Variants in ASTN1 observed in about 807,000 individuals in gnomAD.
ASTN1 encodes the protein astrotactin-1.
A neutral mutation model predicts 140.7 loss-of-function variants in ASTN1; 41 were observed. That is an observed-to-expected ratio of 0.29 (90% CI 0.23 to 0.38). ASTN1 has a LOEUF of 0.38. ASTN1 is among the 10% of genes least tolerant of loss of function. ASTN1 has a pLI of 1.00. For synonymous variants in ASTN1, 640 were observed against 652.2 expected (o/e 0.98, Z 0.29); for missense variants, 1,479 against 1,678.8 (o/e 0.88, Z 2.08).
intron 2 of ASTN1, among the ~76,000 whole-genome samples, chr1:177,050,841 T>G (rs1677505701): frequency 6.6e-6 from 1 of 152,178 alleles, no homozygotes; most frequent in African/African-American, 2.4e-5. Context: ...GCTTCTATTC[T>G]TACATATTTA....
In ASTN1 at chr1:176,862,796, A is replaced by G. The variant is rs977336642; in HGVS notation, c.*1488T>C. ...CTTACATCAGCGCCTGGCATACAGC[A>G]AGCACTCAATAAATGTTATCTGTCA... On this transcript the variant is annotated 3_prime_UTR_variant, in exon 23 of 23. Coordinates refer to ENST00000361833, the MANE Select transcript of ASTN1 (RefSeq NM_004319.3). The G allele has an allele frequency of 3.4e-5, 33 of 983,964 alleles. No homozygotes were observed. The African/African-American group carries it at 5.2e-4, about 16-fold the overall frequency. The allele number at this position is 983,964 out of a possible 1,614,324, so 61.0% of individuals were successfully genotyped here.
intron 8 of ASTN1, among the ~76,000 whole-genome samples, chr1:176,990,551 G>A (rs1196071228): frequency 6.6e-6 from 1 of 151,996 alleles, no homozygotes; most frequent in Non-Finnish European, 1.5e-5. Context: ...GGGGGAAAAA[G>A]GAAGGAAGAG....
intron 12 of ASTN1, among the ~76,000 whole-genome samples, chr1:176,948,130 C>T (rs1672030646): frequency 6.6e-6 from 1 of 152,148 alleles, no homozygotes; most frequent in Non-Finnish European, 1.5e-5. Flanking sequence ...AACAATCCAG[C>T]CTAGTTTTAT....
intron 14 of ASTN1, among the ~76,000 whole-genome samples, chr1:176,942,818 G>GTATATATATATATA (rs1478728177): frequency 1.6e-4 from 5 of 31,954 alleles, no homozygotes; most frequent in African/African-American, 3.3e-4. Context: ...CTTTGTGTGT[G>GTATATATATATATA]TGTATATATA....
intron 16 of ASTN1, among the ~76,000 whole-genome samples, chr1:176,927,036 T>A (rs1670999612): frequency 6.6e-6 from 1 of 152,346 alleles, no homozygotes; most frequent in East Asian, 1.9e-4. Flanking sequence ...GTGGAAGACA[T>A]GACATCTTGT....
chr1:177,011,846 T>C (rs1675312023), intron 8 of ASTN1, among the ~76,000 whole-genome samples: 1 of 152,180 alleles, frequency 6.6e-6, no homozygotes. Flanking sequence ...AATCAATTTG[T>C]AACTTCTTAT....
intron 11 of ASTN1, among the ~76,000 whole-genome samples, chr1:176,955,207 G>A (rs1370302520): frequency 6.6e-6 from 1 of 152,166 alleles, no homozygotes; most frequent in Non-Finnish European, 1.5e-5. Flanking sequence ...GAGGAGGAAG[G>A]CGGGCCAATG....
intron 2 of ASTN1, among the ~76,000 whole-genome samples, chr1:177,052,138 C>G (rs568647511): frequency 1.3e-5 from 2 of 152,226 alleles, no homozygotes; most frequent in South Asian, 4.1e-4. Context: ...TGTAATGGCC[C>G]TATTCTATTG....
At chr1:176,962,619 G>T (rs1672715297) in intron 9 of ASTN1, among the ~76,000 whole-genome samples, 1 of 152,258 alleles carries the variant, frequency 6.6e-6, no homozygotes, top group South Asian at 2.1e-4. Context: ...GGCATTTGCA[G>T]GGGTAAAGTC....
chr1:176,965,670 G>C (rs891044993), intron 8 of ASTN1, among the ~76,000 whole-genome samples: 1 of 152,128 alleles, frequency 6.6e-6, no homozygotes, highest in East Asian at 1.9e-4. Flanking sequence ...ACCATGGACC[G>C]ATAATTTGCT....
rs2103026602 is a variant in ASTN1, at chr1:176,882,961, G to T, written c.3260C>A (p.Ser1087Tyr). The T allele has an allele frequency of 6.2e-7, 1 of 1,614,186 alleles. No homozygotes were observed. Among genetic ancestry groups the T allele is most frequent in the Non-Finnish European group, 8.5e-7 (1 of 1,180,024 alleles). ...CATTGCACAAGGAGACTTTGCTCCAGAGATGATGTCGTCCACAAAGCTCAG... is the reference window on the plus strand; with the variant it reads ...CATTGCACAAGGAGACTTTGCTCCATAGATGATGTCGTCCACAAAGCTCAG... Reference protein sequence around the residue: ...TVLSFVDDIISGAKSPCAMPS... With the variant: ...TVLSFVDDIIYGAKSPCAMPS... Residue 1087 changes from serine (S) to tyrosine (Y), a missense_variant, in exon 20 of 23, where the codon TCT (serine) becomes TAT (tyrosine). This residue lies in a region of ASTN1 where 746 missense variants were observed against 800.9 expected (regional missense o/e 0.93). Coordinates refer to ENST00000361833, the MANE Select transcript of ASTN1 (RefSeq NM_004319.3).
At chr1:177,002,958 A>T (rs1674806369) in intron 8 of ASTN1, among the ~76,000 whole-genome samples, 1 of 151,950 alleles carries the variant, frequency 6.6e-6, no homozygotes, top group Admixed American at 6.6e-5. Context: ...ATAAGCAGTG[A>T]GATTAATCGG....
In ASTN1 at chr1:177,156,512, A is replaced by G. The variant is rs531583029; in HGVS notation, c.283+7882T>C. On this transcript the variant is annotated intron_variant, in intron 1 of 22. Transcript: ENST00000361833. ...AAACAATTTGAGCAATAAAATCAAT[A>G]AAGTAGTACTGAATTAAAACGCAAA... Among the ~76,000 whole-genome samples the G allele has an allele frequency of 2.0e-5, 3 of 152,324 alleles. No individual in the cohort carries two copies. In the East Asian group the frequency reaches 5.8e-4, roughly 29 times the overall value.
chr1:177,150,591 A>G (rs1682987989), intron 1 of ASTN1, among the ~76,000 whole-genome samples: 2 of 152,162 alleles, frequency 1.3e-5, no homozygotes, highest in South Asian at 4.1e-4. Context: ...AGGCAGAGTG[A>G]AAGAGTATGA....
chr1:176,875,419 G>T (rs954734262), intron 21 of ASTN1, among the ~76,000 whole-genome samples: 1 of 152,262 alleles, frequency 6.6e-6, no homozygotes, highest in East Asian at 1.9e-4. Flanking sequence ...TTTAAGAAGG[G>T]CCCTTGATAT....
intron 16 of ASTN1, among the ~76,000 whole-genome samples, chr1:176,911,884 CAGT>C (rs1381161567): frequency 3.3e-5 from 5 of 152,192 alleles, no homozygotes; most frequent in African/African-American, 4.8e-5. Context: ...ACTGGCAGCG[CAGT>C]AGTTTTGTTT....
At chr1:176,952,064 C>T (rs1446688250) in intron 11 of ASTN1, among the ~76,000 whole-genome samples, 2 of 152,242 alleles carry the variant, frequency 1.3e-5, no homozygotes, top group Admixed American at 6.5e-5. Flanking sequence ...TCTACTCCGC[C>T]ATGCTGCTTC....
Position 177,017,515 on chromosome 1 carries a change from T to C in ASTN1, c.1439-2640A>G, listed in dbSNP as rs187645649. ...GTTTCGTGAAAGCACAGGCTCCGACTGTTAGCTGTGAATTTTAAAGACCCC... is the reference window on the plus strand; with the variant it reads ...GTTTCGTGAAAGCACAGGCTCCGACCGTTAGCTGTGAATTTTAAAGACCCC... On this transcript the variant is annotated intron_variant, in intron 7 of 22. Transcript: ENST00000361833. 2.0e-3 allele frequency among the ~76,000 whole-genome samples: 310 copies of C among 152,356 alleles called. 3 individuals carry two copies. Among genetic ancestry groups the C allele is most frequent in the African/African-American group, 6.9e-3 (286 of 41,586 alleles).
At chr1:176,927,711 T>C (rs555400055) in intron 16 of ASTN1, among the ~76,000 whole-genome samples, 2 of 152,340 alleles carry the variant, frequency 1.3e-5, no homozygotes, top group Admixed American at 6.5e-5. Context: ...GACGTGGTCA[T>C]ATCACTTTGT....
Sources: gnomAD v4.1 joint callset for allele counts (sites outside exome capture counted in the v4.1 genomes callset) on GRCh38, gnomAD v4.1.1 for gene constraint, gnomAD v4.1.1 regional missense constraint, MANE v1.5 for transcripts, NCBI Gene and HGNC (gene_info 2026-07-23, HGNC 2026-07-21) for gene names.